Variants in AGMO observed in about 807,000 individuals in gnomAD.
The protein encoded by AGMO is alkylglycerol monooxygenase.
A neutral mutation model predicts 60.2 loss-of-function variants in AGMO; 75 were observed. That is an observed-to-expected ratio of 1.25 (90% confidence interval 1.03 to 1.51). AGMO has a LOEUF of 1.51. Ranked by LOEUF, AGMO falls within the 40% of genes most tolerant of loss-of-function variation. The probability of loss-of-function intolerance (pLI) is 0.00; values close to 1 mark genes in which losing one functional copy is unlikely to be tolerated. For missense variants in AGMO, 763 were observed against 525.5 expected (o/e 1.45, Z -4.42); for synonymous variants, 261 against 177.1 (o/e 1.47, Z -3.76).
Position 15,201,031 on chromosome 7 carries a change from A to G in AGMO, c.*254T>C, listed in dbSNP as rs1473092894. 1.3e-5 allele frequency: 4 copies of G among 302,004 alleles called. No individual in the cohort carries two copies. Among genetic ancestry groups the G allele is most frequent in the Non-Finnish European group, 1.8e-5 (3 of 166,398 alleles). 18.7% of individuals were successfully genotyped at this position (302,004 alleles called of 1,614,324 possible). A position where few individuals can be genotyped will look rare whatever the true frequency, so the allele number is the denominator to read the frequency against. On this transcript the variant is annotated 3_prime_UTR_variant, in exon 13 of 13. Coordinates refer to ENST00000342526, the MANE Select transcript of AGMO (RefSeq NM_001004320.2). ...CTTTTTATACTTGTCATATAAGGCT[A>G]TCAGTTAATATAACATCATTATATT... is the stretch of plus-strand genomic sequence containing the variant.
the AGMO span, among the ~76,000 whole-genome samples, chr7:15,182,230 G>C: frequency 6.6e-6 from 1 of 152,050 alleles, no homozygotes; most frequent in Admixed American, 6.6e-5. Context: ...TGTTTAATGG[G>C]TACAGGATTT....
intron 12 of AGMO, among the ~76,000 whole-genome samples, chr7:15,326,075 C>T (rs1781331270): frequency 6.6e-6 from 1 of 151,892 alleles, no homozygotes; most frequent in African/African-American, 2.4e-5. Flanking sequence ...ATAATAGATA[C>T]AGGTTTTTTT....
intron 12 of AGMO, among the ~76,000 whole-genome samples, chr7:15,258,409 G>A (rs1241268854): frequency 1.3e-5 from 2 of 151,702 alleles, no homozygotes; most frequent in South Asian, 2.1e-4. Flanking sequence ...CTGATTCGTG[G>A]TGGCAGGCGC....
intron 6 of AGMO, among the ~76,000 whole-genome samples, chr7:15,392,954 C>G (rs1305995927): frequency 1.3e-5 from 2 of 152,212 alleles, no homozygotes; most frequent in African/African-American, 2.4e-5. Context: ...AGCCTGTTTC[C>G]TAAGTGTTGA....
At chr7:15,354,227 T>A (rs560261516) in intron 12 of AGMO, among the ~76,000 whole-genome samples, 2 of 149,906 alleles carry the variant, frequency 1.3e-5, no homozygotes, top group East Asian at 4.0e-4. Flanking sequence ...CATCAGTTAT[T>A]TTCTATGTAC....
intron 12 of AGMO, among the ~76,000 whole-genome samples, chr7:15,299,172 T>G (rs1056957198): frequency 6.6e-6 from 1 of 152,148 alleles, no homozygotes; most frequent in African/African-American, 2.4e-5. Context: ...TATGAGTTAT[T>G]TACTCTGAAC....
At chr7:15,432,266 T>G (rs1262434042) in intron 3 of AGMO, among the ~76,000 whole-genome samples, 3 of 150,378 alleles carry the variant, frequency 2.0e-5, no homozygotes, top group Non-Finnish European at 4.4e-5. Flanking sequence ...GCATGGTACA[T>G]AGTAGAATAA....
intron 12 of AGMO, among the ~76,000 whole-genome samples, chr7:15,334,903 GAAC>G (rs1781605724): frequency 6.6e-6 from 1 of 152,116 alleles, no homozygotes; most frequent in Non-Finnish European, 1.5e-5. Flanking sequence ...TCAAACTCAT[GAAC>G]AATAAGAGCT....
At chr7:15,325,069 A>T (rs62450331) in intron 12 of AGMO, among the ~76,000 whole-genome samples, 1 of 152,162 alleles carries the variant, frequency 6.6e-6, no homozygotes, top group Non-Finnish European at 1.5e-5. Flanking sequence ...ACCCCTCAGG[A>T]AGCCCTGTAA....
At position 15,479,446 on chromosome 7, in the gene AGMO, G is replaced by C. The variant is rs576354036; in HGVS notation, c.410-48338C>G. Reference sequence around the variant, plus strand: ...CACTCGCCTTAAGGTCGTAAGACTAGAACTAGGATCTCCAGACTCCTGAGC... The same window carrying C: ...CACTCGCCTTAAGGTCGTAAGACTACAACTAGGATCTCCAGACTCCTGAGC... On this transcript the variant is annotated intron_variant, in intron 3 of 12. Transcript: ENST00000342526. Among the ~76,000 whole-genome samples, 115 of 152,264 alleles carry C rather than the reference G, an allele frequency of 7.6e-4. No individual in the cohort carries two copies. The Middle Eastern group carries it at 0.02, about 27-fold the overall frequency.
chr7:15,249,040 G>C (rs954882212), intron 12 of AGMO, among the ~76,000 whole-genome samples: 6 of 152,164 alleles, frequency 3.9e-5, no homozygotes, highest in Non-Finnish European at 7.4e-5. Context: ...AGACACCAAA[G>C]AACCTACAAT....
At chr7:15,503,856 G>T (rs182370124) in intron 3 of AGMO, among the ~76,000 whole-genome samples, 1 of 152,118 alleles carries the variant, frequency 6.6e-6, no homozygotes, top group East Asian at 1.9e-4. Flanking sequence ...CTGAGAAAAA[G>T]TGAATCCCAT....
chr7:15,370,205 G>A (rs1484020226), intron 10 of AGMO, among the ~76,000 whole-genome samples: 1 of 152,162 alleles, frequency 6.6e-6, no homozygotes, highest in Non-Finnish European at 1.5e-5. Flanking sequence ...GCCTCCAGCT[G>A]CATTCACGTT....
At chr7:15,364,357 T>G (rs1198476583) in intron 12 of AGMO, among the ~76,000 whole-genome samples, 2 of 152,050 alleles carry the variant, frequency 1.3e-5, no homozygotes, top group South Asian at 2.1e-4. Flanking sequence ...TCCCTGTTTT[T>G]ATACTTATGT....
intron 12 of AGMO, among the ~76,000 whole-genome samples, chr7:15,256,497 G>A (rs1218103788): frequency 6.6e-6 from 1 of 151,974 alleles, no homozygotes; most frequent in African/African-American, 2.4e-5. Flanking sequence ...CGCCCACCAC[G>A]ACGCCTGGTG....
At chr7:15,299,310 T>A (rs73679464) in intron 12 of AGMO, among the ~76,000 whole-genome samples, 115 of 152,280 alleles carry the variant, frequency 7.6e-4, no homozygotes, top group African/African-American at 2.7e-3. Context: ...TAGGTCTTTT[T>A]CTCTGACCTG....
At chr7:15,532,247 G>A (rs1398986829) in intron 3 of AGMO, among the ~76,000 whole-genome samples, 1 of 152,176 alleles carries the variant, frequency 6.6e-6, no homozygotes, top group African/African-American at 2.4e-5. Flanking sequence ...AAAATAGATA[G>A]GATTGGTGTT....
At position 15,396,231 on chromosome 7, in the gene AGMO, C is replaced by A. The variant is rs532223502; in HGVS notation, c.610-2052G>T. Reference sequence around the variant, plus strand: ...CGCTGACTTCAAGAAAGAAGCCCCACGGACCCTCGCAGTGAGTGCTACAGT... The same window carrying A: ...CGCTGACTTCAAGAAAGAAGCCCCAAGGACCCTCGCAGTGAGTGCTACAGT... On this transcript the variant is annotated intron_variant, in intron 5 of 12. Coordinates refer to ENST00000342526, the MANE Select transcript of AGMO (RefSeq NM_001004320.2). 759 of 152,548 alleles carry A rather than the reference C, an allele frequency of 5.0e-3. 9 individuals carry two copies. Among genetic ancestry groups the A allele is most frequent in the Non-Finnish European group, 7.1e-3 (482 of 68,236 alleles). The allele number at this position is 152,548 out of a possible 1,614,324, so 9.4% of individuals were successfully genotyped here. A position where few individuals can be genotyped will look rare whatever the true frequency, so the allele number is the denominator to read the frequency against.
chr7:15,204,668 C>T (rs1293838740), intron 12 of AGMO, among the ~76,000 whole-genome samples: 1 of 152,148 alleles, frequency 6.6e-6, no homozygotes, highest in Non-Finnish European at 1.5e-5. Flanking sequence ...CAGGCTATTT[C>T]CTTGACTTCC....
Sources: gnomAD v4.1 joint callset for allele counts (sites outside exome capture counted in the v4.1 genomes callset) on GRCh38, gnomAD v4.1.1 for gene constraint, MANE v1.5 for transcripts, NCBI Gene and HGNC (gene_info 2026-07-23, HGNC 2026-07-21) for gene names.